The following RCAN2 variants were observed in gnomAD, a reference collection of about 807,000 sequenced individuals.
RCAN2 encodes calcipressin-2.
A neutral mutation model predicts 23.6 loss-of-function variants in RCAN2; 9 were observed. That is an observed-to-expected ratio of 0.38 (90% CI 0.23 to 0.67). The LOEUF (loss-of-function observed/expected upper bound fraction) is 0.67, where lower values mean the gene tolerates loss of function less well. Ranked by LOEUF, RCAN2 falls within the 30% of genes least tolerant of loss-of-function variation. The pLI is 0.51. For synonymous variants in RCAN2, 109 were observed against 115.7 expected (o/e 0.94, Z 0.37); for missense variants, 273 against 302.3 (o/e 0.90, Z 0.72).
chr6:46,392,382 T>C (rs904638904), intron 2 of RCAN2, among the ~76,000 whole-genome samples: 1 of 152,198 alleles, frequency 6.6e-6, no homozygotes, highest in Admixed American at 6.5e-5. Context: ...GAAGATGAAT[T>C]AGCCTTACTG....
chr6:46,222,878 T>C lies in RCAN2; in HGVS notation c.*263A>G. ...TTGGATCAACATGAGAGAACAAAGA[T>C]ATAGGCTGTGCTGATTGTTTAATAA... On this transcript the variant is annotated 3_prime_UTR_variant, in exon 5 of 5. Coordinates refer to ENST00000371374, the MANE Select transcript of RCAN2 (RefSeq NM_001251974.2). The C allele has an allele frequency of 2.4e-6, 1 of 413,804 alleles. No homozygotes were observed. Among genetic ancestry groups the C allele is most frequent in the East Asian group, 5.0e-5 (1 of 20,198 alleles). The allele number at this position is 413,804 out of a possible 1,614,324, so 25.6% of individuals were successfully genotyped here.
chr6:46,435,325 C>A (rs528412583), intron 2 of RCAN2, among the ~76,000 whole-genome samples: 1 of 152,180 alleles, frequency 6.6e-6, no homozygotes, highest in African/African-American at 2.4e-5. Context: ...TTCCAGAGAA[C>A]TGTCACTTTT....
chr6:46,475,170 C>A (rs896997412), intron 1 of RCAN2, among the ~76,000 whole-genome samples: 2 of 152,144 alleles, frequency 1.3e-5, no homozygotes, highest in Non-Finnish European at 2.9e-5. Flanking sequence ...CTGCACATGA[C>A]TCAGGGCTCT....
chr6:46,405,915 G>A (rs748515312), intron 2 of RCAN2, among the ~76,000 whole-genome samples: 3 of 152,224 alleles, frequency 2.0e-5, no homozygotes, highest in Non-Finnish European at 2.9e-5. Flanking sequence ...TGCCCCGCGG[G>A]AAGGCAGCTA....
chr6:46,264,150 G>C (rs1767237897), intron 2 of RCAN2, among the ~76,000 whole-genome samples: 1 of 152,190 alleles, frequency 6.6e-6, no homozygotes, highest in South Asian at 2.1e-4. Context: ...TGAGGTGGAG[G>C]CTCTGTTTTA....
chr6:46,333,244 T>A (rs1179880395), intron 2 of RCAN2, among the ~76,000 whole-genome samples: 1 of 152,194 alleles, frequency 6.6e-6, no homozygotes, highest in Non-Finnish European at 1.5e-5. Context: ...ATGTGTATAT[T>A]ATTTTCCCAA....
intron 1 of RCAN2, among the ~76,000 whole-genome samples, chr6:46,464,913 CAAA>C (rs5875967): frequency 2.7e-3 from 376 of 139,794 alleles, no homozygotes; most frequent in African/African-American, 6.2e-3. Flanking sequence ...TTATGAAGTG[CAAA>C]AAAAAAAAAA....
intron 4 of RCAN2, among the ~76,000 whole-genome samples, chr6:46,232,513 C>T (rs569597061): frequency 5.3e-5 from 8 of 152,094 alleles, no homozygotes; most frequent in Admixed American, 1.3e-4. Context: ...GAGTTTAGGT[C>T]GGGCGTGGTG....
chr6:46,453,640 A>G (rs1344035024), intron 2 of RCAN2, among the ~76,000 whole-genome samples: 1 of 152,234 alleles, frequency 6.6e-6, no homozygotes, highest in Non-Finnish European at 1.5e-5. Flanking sequence ...GCTGTTACCT[A>G]TATTATGAGA....
chr6:46,267,010 A>AAAAC (rs547610591), intron 2 of RCAN2, among the ~76,000 whole-genome samples: 21 of 152,340 alleles, frequency 1.4e-4, no homozygotes, highest in South Asian at 1.0e-3. Context: ...TGAACAATTC[A>AAAAC]AAACAAACAA....
intron 2 of RCAN2, among the ~76,000 whole-genome samples, chr6:46,308,750 G>C (rs1395107042): frequency 6.6e-6 from 1 of 152,134 alleles, no homozygotes; most frequent in Non-Finnish European, 1.5e-5. Context: ...TTCTGGCAAA[G>C]AGCAGACTTG....
In RCAN2 at chr6:46,298,067, G is replaced by A. The variant is rs769848401; in HGVS notation, c.226-49171C>T. Among the ~76,000 whole-genome samples the A allele has an allele frequency of 9.1e-4, 139 of 152,062 alleles. 2 individuals carry two copies. Among genetic ancestry groups the A allele is most frequent in the Admixed American group, 8.3e-3 (126 of 15,250 alleles). ...ATCCAACATGCACCAGAAGGGAGTC[G>A]TTAATTTATGTAAATTGCATTACAA... On this transcript the variant is annotated intron_variant, in intron 2 of 4. Transcript: ENST00000371374.
intron 2 of RCAN2, among the ~76,000 whole-genome samples, chr6:46,251,917 C>G (rs1766739725): frequency 6.6e-6 from 1 of 152,116 alleles, no homozygotes; most frequent in South Asian, 2.1e-4. Flanking sequence ...TGCACCAAAC[C>G]TGGGGTGTAG....
chr6:46,487,348 C>T (rs1466182490), intron 1 of RCAN2, among the ~76,000 whole-genome samples: 2 of 152,092 alleles, frequency 1.3e-5, no homozygotes, highest in African/African-American at 4.8e-5. Flanking sequence ...TTTATACTAC[C>T]AACATACACT....
chr6:46,328,570 GC>G (rs1417871593), intron 2 of RCAN2, among the ~76,000 whole-genome samples: 1 of 152,148 alleles, frequency 6.6e-6, no homozygotes, highest in African/African-American at 2.4e-5. Flanking sequence ...AGCCCAGGAG[GC>G]TCTCCTGTTA....
intron 4 of RCAN2, among the ~76,000 whole-genome samples, chr6:46,232,208 T>G (rs1247699974): frequency 6.6e-6 from 1 of 152,210 alleles, no homozygotes; most frequent in Non-Finnish European, 1.5e-5. Context: ...CTGTAATCCA[T>G]GGGGAAGTTG....
chr6:46,317,585 C>T (rs1375911172), intron 2 of RCAN2, among the ~76,000 whole-genome samples: 1 of 152,100 alleles, frequency 6.6e-6, no homozygotes, highest in Non-Finnish European at 1.5e-5. Context: ...CCTCATCCTC[C>T]CAAGTAGGTG....
intron 2 of RCAN2, among the ~76,000 whole-genome samples, chr6:46,339,864 C>A (rs1440984767): frequency 6.6e-6 from 1 of 152,122 alleles, no homozygotes. Context: ...GTTTCTGAGA[C>A]TACACTGGGA....
At chr6:46,251,690 G>A (rs1766727891) in intron 2 of RCAN2, among the ~76,000 whole-genome samples, 1 of 152,146 alleles carries the variant, frequency 6.6e-6, no homozygotes, top group Non-Finnish European at 1.5e-5. Flanking sequence ...TGCATTAGGA[G>A]CAAAGAATCA....
Sources: gnomAD v4.1 joint callset for allele counts (sites outside exome capture counted in the v4.1 genomes callset) on GRCh38, gnomAD v4.1.1 for gene constraint, MANE v1.5 for transcripts, NCBI Gene and HGNC (gene_info 2026-07-23, HGNC 2026-07-21) for gene names.